Variants in INPP5A observed in about 807,000 individuals in gnomAD.
INPP5A encodes the protein inositol polyphosphate-5-phosphatase A.
A neutral mutation model predicts 65.2 loss-of-function variants in INPP5A; 14 were observed. The observed-to-expected ratio is 0.21, with a 90% CI of 0.14 to 0.34. INPP5A has a LOEUF of 0.34. INPP5A is among the 10% of genes least tolerant of loss of function. INPP5A has a pLI of 1.00. For missense variants in INPP5A, 431 were observed against 545.6 expected, an observed-to-expected ratio of 0.79 and a Z score of 2.09; for synonymous variants, 207 against 208.3, an observed-to-expected ratio of 0.99 and a Z score of 0.05.
At chr10:132,566,624 G>A (rs759837830) in intron 1 of INPP5A, among the ~76,000 whole-genome samples, 6 of 152,164 alleles carry the variant, frequency 3.9e-5, no homozygotes, top group Non-Finnish European at 5.9e-5. Context: ...ACCTTGTTAG[G>A]TTATCTCGAT....
chr10:132,726,372 G>A (rs1845984535), intron 8 of INPP5A, among the ~76,000 whole-genome samples: 1 of 152,150 alleles, frequency 6.6e-6, no homozygotes, highest in Non-Finnish European at 1.5e-5. Flanking sequence ...TCTCCCTCCC[G>A]CTGTCGGTCC....
chr10:132,778,414 G>A (rs967815311), intron 13 of INPP5A, among the ~76,000 whole-genome samples: 4 of 145,938 alleles, frequency 2.7e-5, no homozygotes, highest in Non-Finnish European at 4.5e-5. Flanking sequence ...CACCCACCTC[G>A]GCCTCCCAAA....
At chr10:132,723,595 ATTGGTTT>A (rs1246747326) in intron 8 of INPP5A, among the ~76,000 whole-genome samples, 32 of 79,938 alleles carry the variant, frequency 4.0e-4, no homozygotes, top group African/African-American at 1.5e-3. Flanking sequence ...CCGTGTGGGG[ATTGGTTT>A]TGTGGGGATT....
At chr10:132,605,794 T>C (rs987484214) in intron 1 of INPP5A, among the ~76,000 whole-genome samples, 1 of 152,184 alleles carries the variant, frequency 6.6e-6, no homozygotes, top group Non-Finnish European at 1.5e-5. Flanking sequence ...TTTTCACGTT[T>C]CTTCTCTTCC....
chr10:132,639,707 G>A (rs1267400328), intron 2 of INPP5A, among the ~76,000 whole-genome samples: 1 of 152,016 alleles, frequency 6.6e-6, no homozygotes, highest in Non-Finnish European at 1.5e-5. Flanking sequence ...CTGTTGCTCC[G>A]ACTACGCGTA....
intron 9 of INPP5A, 23 bp from the exon 10 acceptor site, chr10:132,749,494 T>C (rs779772579): frequency 2.0e-5 from 32 of 1,610,506 alleles, no homozygotes; most frequent in Non-Finnish European, 2.6e-5. Flanking sequence ...CTGGGACTTA[T>C]CTCCGTTGCT....
chr10:132,616,844 G>A lies in INPP5A; in HGVS notation c.117+8888G>A, dbSNP rs370941162. On this transcript the variant is annotated intron_variant, in intron 2 of 15. Coordinates refer to ENST00000368594, the MANE Select transcript of INPP5A (RefSeq NM_005539.5). This position sits in a 1 kb window ranked among gnomAD's most constrained non-coding sequence, Gnocchi z 4.9. ...CACCATGCAGCAGGGAGGAAGGCCA[G>A]CTTCACGCTGCAGGAGCTCCTGGGC... Among the ~76,000 whole-genome samples the A allele has an allele frequency of 1.3e-5, 2 of 152,196 alleles. No individual in the cohort carries two copies. The highest frequency in any genetic ancestry group is 3.9e-4 in the East Asian group (2 of 5,184).
intron 1 of INPP5A, among the ~76,000 whole-genome samples, chr10:132,601,848 G>GACAT (rs1330626950): frequency 1.4e-5 from 2 of 147,794 alleles, no homozygotes; most frequent in Non-Finnish European, 3.0e-5. Context: ...TCTTGTGCCA[G>GACAT]GACCACACTG....
intron 9 of INPP5A, among the ~76,000 whole-genome samples, chr10:132,744,920 C>T (rs1161981927): frequency 1.2e-4 from 19 of 152,234 alleles, no homozygotes; most frequent in Admixed American, 6.5e-4. Flanking sequence ...ACCACGGCAC[C>T]GTTGTCCCTC....
intron 9 of INPP5A, among the ~76,000 whole-genome samples, chr10:132,740,598 G>A (rs968333291): frequency 3.9e-5 from 6 of 152,064 alleles, no homozygotes; most frequent in African/African-American, 2.4e-5. Context: ...TAAAGTACTC[G>A]GGCCTTTTGT....
intron 1 of INPP5A, among the ~76,000 whole-genome samples, chr10:132,588,863 TTC>T (rs2071581724): frequency 6.6e-6 from 1 of 151,706 alleles, no homozygotes; most frequent in Admixed American, 6.6e-5. Context: ...TGGTCCCGCG[TTC>T]TGTGTGTGTT....
At chr10:132,756,897 C>A (rs536994940) in intron 11 of INPP5A, among the ~76,000 whole-genome samples, 1 of 152,130 alleles carries the variant, frequency 6.6e-6, no homozygotes, top group Non-Finnish European at 1.5e-5. Context: ...TGACCCTGTG[C>A]GGGCCTAGGC....
At chr10:132,720,749 T>G in intron 8 of INPP5A, among the ~76,000 whole-genome samples, 1 of 150,682 alleles carries the variant, frequency 6.6e-6, no homozygotes, top group Non-Finnish European at 1.5e-5. Context: ...CTGGGCGCCT[T>G]AGACGGCTGT....
intron 4 of INPP5A, among the ~76,000 whole-genome samples, chr10:132,667,270 C>T (rs1158596635): frequency 6.6e-6 from 1 of 152,160 alleles, no homozygotes; most frequent in Admixed American, 6.6e-5. Flanking sequence ...GCTGTTCTTC[C>T]AACCATCATA....
At chr10:132,580,707 A>C (rs902329595) in intron 1 of INPP5A, among the ~76,000 whole-genome samples, 1 of 152,222 alleles carries the variant, frequency 6.6e-6, no homozygotes, top group African/African-American at 2.4e-5. Context: ...TATAGCTAAC[A>C]CTTGTTTATC....
At chr10:132,666,892 A>T (rs1214701035) in intron 4 of INPP5A, among the ~76,000 whole-genome samples, 1 of 152,204 alleles carries the variant, frequency 6.6e-6, no homozygotes, top group Non-Finnish European at 1.5e-5. Flanking sequence ...GTTGGAGATA[A>T]CTTGAGTCAT....
rs1845530655 is a variant in INPP5A, at chr10:132,705,885, C to T, written c.475-2428C>T. 6.6e-6 allele frequency among the ~76,000 whole-genome samples: 1 copy of T among 152,128 alleles called. No individual in the cohort carries two copies. The highest frequency in any genetic ancestry group is 1.5e-5 in the Non-Finnish European group (1 of 68,042). On this transcript the variant is annotated intron_variant, in intron 6 of 15. Transcript: ENST00000368594. The surrounding 1 kb of genome is among the most constrained non-coding windows in gnomAD (Gnocchi z 4.9). Reference sequence around the variant, plus strand: ...TCCCCAGGAGACTGCAAACCAAGAACGTCTATGAGACGAGCAGACACCAGA... The same window carrying T: ...TCCCCAGGAGACTGCAAACCAAGAATGTCTATGAGACGAGCAGACACCAGA...
chr10:132,700,126 G>T (rs1845413431), intron 6 of INPP5A, among the ~76,000 whole-genome samples: 1 of 152,240 alleles, frequency 6.6e-6, no homozygotes, highest in Admixed American at 6.5e-5. Context: ...CCAGCCCCCA[G>T]CCTGGGTCCA....
chr10:132,750,607 T>C (rs1480306140), intron 11 of INPP5A, among the ~76,000 whole-genome samples: 2 of 152,252 alleles, frequency 1.3e-5, no homozygotes, highest in Non-Finnish European at 2.9e-5. Flanking sequence ...TTACAAATGT[T>C]TATCAGCGCA....
Sources: gnomAD v4.1 joint callset for allele counts (sites outside exome capture counted in the v4.1 genomes callset) on GRCh38, gnomAD v4.1.1 for gene constraint, Gnocchi (gnomAD v3.1) non-coding constraint, MANE v1.5 for transcripts, NCBI Gene and HGNC (gene_info 2026-07-23, HGNC 2026-07-21) for gene names.